Variants in ZNF282 observed in about 807,000 individuals in gnomAD.
The protein encoded by ZNF282 is zinc finger protein 282, also known as HTLV-I U5 repressive element-binding protein 1.
In ZNF282, 30 loss-of-function variants were observed where a neutral mutation model predicts 61.9. The ratio of observed to expected loss-of-function variants is 0.48; its 90% CI spans 0.36 to 0.66. ZNF282 has a LOEUF of 0.66. Among genes scored for constraint, ZNF282 ranks in the 30% least tolerant of loss-of-function variants. The pLI is 0.00. For missense variants in ZNF282, 788 were observed against 941.4 expected (o/e 0.84, Z 2.13); for synonymous variants, 396 against 405.0 (o/e 0.98, Z 0.27).
Position 149,198,319 on chromosome 7 carries a change from C to T in ZNF282, c.166-14C>T. ...GTCTCATCCTGGGTTGTCGCTTTCT[C>T]CCTCTGCATACAGGCTCAAGAATGG... is the stretch of plus-strand genomic sequence containing the variant. On this transcript the variant is annotated splice_polypyrimidine_tract_variant and intron_variant, in intron 1 of 7. Coordinates refer to ENST00000610704, the MANE Select transcript of ZNF282 (RefSeq NM_003575.4). The surrounding 1 kb of genome is among the most constrained non-coding windows in gnomAD (Gnocchi z 4.3). 1.3e-6 allele frequency: 2 copies of T among 1,586,940 alleles called. No homozygotes were observed. The highest frequency in any genetic ancestry group is 1.7e-6 in the Non-Finnish European group (2 of 1,164,388).
intron 7 of ZNF282, among the ~76,000 whole-genome samples, chr7:149,218,958 C>T (rs879561977): frequency 2.0e-5 from 3 of 152,156 alleles, no homozygotes; most frequent in Non-Finnish European, 4.4e-5. Flanking sequence ...GTCACCCTCC[C>T]AGCATGTCAA....
Position 149,195,562 on chromosome 7 carries a change from G to C in ZNF282, c.-28G>C. The C allele has an allele frequency of 6.2e-7, 1 of 1,605,310 alleles. No individual in the cohort carries two copies. Among genetic ancestry groups the C allele is most frequent in the Non-Finnish European group, 8.5e-7 (1 of 1,176,710 alleles). ...GAAAACGTTCTTCTTCTCCCTGGCC[G>C]ACCCGAGCGGGGAACAGCACTCCCA... is the stretch of plus-strand genomic sequence containing the variant. On this transcript the variant is annotated 5_prime_UTR_variant, in exon 1 of 8. Transcript: ENST00000610704.
At position 149,195,735 on chromosome 7, in the gene ZNF282, A is replaced by G. The variant is rs776107053; in HGVS notation, c.146A>G (p.Glu49Gly). The change falls in exon 1 of 8, where the codon GAG becomes GGG. Residue 49 changes from glutamate (E) to glycine (G), a missense_variant. Glu to Gly is a moderately conservative substitution (Grantham distance 98, BLOSUM62 -2). Transcript: ENST00000610704. ...CCGGCGCTGCGCGGGGAAATGGCCG[A>G]GGGAATGCCGCCCATGCAGGTGGGA... ...QEPALRGEMA[E>G]GMPPMQAQEW... 10 of 1,532,970 alleles carry G rather than the reference A, an allele frequency of 6.5e-6. No individual in the cohort carries two copies. The highest frequency in any genetic ancestry group is 8.8e-6 in the Non-Finnish European group (10 of 1,140,696). 95.0% of individuals were successfully genotyped at this position (1,532,970 alleles called of 1,614,324 possible).
At chr7:149,222,820 G>C (rs940500056) in intron 7 of ZNF282, among the ~76,000 whole-genome samples, 6 of 150,742 alleles carry the variant, frequency 4.0e-5, no homozygotes, top group Non-Finnish European at 7.4e-5. Flanking sequence ...GCTAATTTTC[G>C]TATTTTTAGT....
Position 149,207,201 on chromosome 7 carries a change from C to CAGGGTTCTTCATAAG in ZNF282, c.713-148_713-147insGGTTCTTCATAAGAG, listed in dbSNP as rs1796005009. 5.0e-6 allele frequency: 5 copies of CAGGGTTCTTCATAAG among 1,000,678 alleles called. No homozygotes were observed. The East Asian group carries it at 1.3e-4, about 27-fold the overall frequency. The allele number at this position is 1,000,678 out of a possible 1,614,324, so 62.0% of individuals were successfully genotyped here. ...ATTTGGGCATCTATCGACTCGTTTTCAGATTACCCGCCTAACTCGCATAAC... is the reference window on the plus strand; with the variant it reads ...ATTTGGGCATCTATCGACTCGTTTTCAGGGTTCTTCATAAGAGATTACCCGCCTAACTCGCATAAC... On this transcript the variant is annotated intron_variant, in intron 3 of 7. Coordinates refer to ENST00000610704, the MANE Select transcript of ZNF282 (RefSeq NM_003575.4).
chr7:149,206,869 T>C, intron 3 of ZNF282, 47 bp downstream of exon 3: 1 of 1,608,202 alleles, frequency 6.2e-7, no homozygotes, highest in Non-Finnish European at 8.5e-7. Flanking sequence ...CTGCAGAGGG[T>C]TGTGAAATGC....
intron 4 of ZNF282, 112 bp downstream of exon 4, chr7:149,207,582 T>A (rs1334062222): frequency 6.8e-7 from 1 of 1,461,882 alleles, no homozygotes; most frequent in African/African-American, 1.4e-5. Context: ...GGGGCGAGGG[T>A]CTTGGGTGGC....
chr7:149,216,553 G>T (rs1202389), intron 7 of ZNF282, among the ~76,000 whole-genome samples: 10,848 of 152,280 alleles, frequency 0.071, 405 homozygotes, highest in Middle Eastern at 0.14. Context: ...AAGTGAGCCT[G>T]CTTCCTATTT....
At chr7:149,223,179 G>A (rs1796285160) in intron 7 of ZNF282, among the ~76,000 whole-genome samples, 1 of 148,978 alleles carries the variant, frequency 6.7e-6, no homozygotes, top group African/African-American at 2.5e-5. Context: ...TTTCCATGTT[G>A]GTCAGGCTGG....
chr7:149,223,910 C>G lies in ZNF282; in HGVS notation c.1279C>G (p.Pro427Ala), dbSNP rs1035605862. Residue 427 changes from proline (P) to alanine (A), a missense_variant, in exon 8 of 8, where the codon CCC becomes GCC. Pro to Ala is a conservative substitution (Grantham distance 27). Coordinates refer to ENST00000610704, the MANE Select transcript of ZNF282 (RefSeq NM_003575.4). ...PQPQLQSQPQ[P>A]QSLPPIAVAE... ...GCCGCAGCTGCAGTCGCAGCCCCAG[C>G]CCCAGAGCCTGCCCCCCATCGCGGT... 5.8e-6 allele frequency: 8 copies of G among 1,373,376 alleles called. 1 individual carries two copies. The highest frequency in any genetic ancestry group is 1.5e-5 in the African/African-American group (1 of 65,922). 85.1% of individuals were successfully genotyped at this position (1,373,376 alleles called of 1,614,324 possible).
At chr7:149,217,455 T>G (rs1796174844) in intron 7 of ZNF282, among the ~76,000 whole-genome samples, 2 of 152,040 alleles carry the variant, frequency 1.3e-5, no homozygotes, top group Admixed American at 1.3e-4. Context: ...CTCCAGCTAC[T>G]TGGGAGGCTA....
intron 2 of ZNF282, among the ~76,000 whole-genome samples, chr7:149,205,833 G>T (rs1262672075): frequency 6.6e-6 from 1 of 152,202 alleles, no homozygotes; most frequent in Non-Finnish European, 1.5e-5. Context: ...CACAGGATGG[G>T]GGAGGATTGA....
chr7:149,224,794 A>C lies in ZNF282; in HGVS notation c.*147A>C. The C allele has an allele frequency of 7.5e-7, 1 of 1,332,080 alleles. No individual in the cohort carries two copies. Among genetic ancestry groups the C allele is most frequent in the South Asian group, 1.5e-5 (1 of 65,158 alleles). 82.5% of individuals were successfully genotyped at this position (1,332,080 alleles called of 1,614,324 possible). A position where few individuals can be genotyped will look rare whatever the true frequency, so the allele number is the denominator to read the frequency against. ...GGGGGTCCCCCAGGGTGGGGCAGGG[A>C]TCCCCCAGATCTGTCTGGTCTGAAT... On this transcript the variant is annotated 3_prime_UTR_variant, in exon 8 of 8. Coordinates refer to ENST00000610704, the MANE Select transcript of ZNF282 (RefSeq NM_003575.4).
chr7:149,207,796 G>A (rs12704072), intron 4 of ZNF282, among the ~76,000 whole-genome samples: 80,050 of 152,130 alleles, frequency 0.53, 24,466 homozygotes, highest in East Asian at 0.93. Context: ...GAGGCTGACA[G>A]AGGAGGGAAA....
At chr7:149,196,543 T>C (rs1325911282) in intron 1 of ZNF282, among the ~76,000 whole-genome samples, 4 of 152,164 alleles carry the variant, frequency 2.6e-5, no homozygotes, top group Admixed American at 6.5e-5. Context: ...GAAGACTCTC[T>C]GGGCCCACCC....
At chr7:149,196,259 C>A (rs1795814726) in intron 1 of ZNF282, among the ~76,000 whole-genome samples, 1 of 152,210 alleles carries the variant, frequency 6.6e-6, no homozygotes, top group African/African-American at 2.4e-5. Context: ...TCCCCCTGCA[C>A]CGGGTGTGAT....
At position 149,198,200 on chromosome 7, in the gene ZNF282, A is replaced by G; in HGVS notation, c.166-133A>G. The stretch of plus-strand genomic sequence containing the variant: ...TAGCTGTTGCTGGGGGTGTTAGTGT[A>G]TCCTGAGTTACGGGGGCCTGGCAGA... On this transcript the variant is annotated intron_variant, in intron 1 of 7. Coordinates refer to ENST00000610704, the MANE Select transcript of ZNF282 (RefSeq NM_003575.4). The surrounding 1 kb of genome is among the most constrained non-coding windows in gnomAD (Gnocchi z 4.3). The G allele has an allele frequency of 1.9e-6, 2 of 1,043,428 alleles. No individual in the cohort carries two copies. The highest frequency in any genetic ancestry group is 2.7e-6 in the Non-Finnish European group (2 of 731,676). The allele number at this position is 1,043,428 out of a possible 1,614,324, so 64.6% of individuals were successfully genotyped here.
intron 7 of ZNF282, among the ~76,000 whole-genome samples, chr7:149,220,422 A>G (rs1796226257): frequency 6.6e-6 from 1 of 152,146 alleles, no homozygotes; most frequent in African/African-American, 2.4e-5. Context: ...CAAAAGAAAA[A>G]AAAAGAATAA....
intron 7 of ZNF282, among the ~76,000 whole-genome samples, chr7:149,219,361 C>A (rs957303543): frequency 6.6e-6 from 1 of 152,120 alleles, no homozygotes; most frequent in Non-Finnish European, 1.5e-5. Context: ...ACAGTGTAAA[C>A]AAAGAATTAA....
Sources: allele counts gnomAD v4.1 joint callset (sites outside exome capture counted in the v4.1 genomes callset), GRCh38; gene constraint gnomAD v4.1.1; non-coding constraint Gnocchi (gnomAD v3.1); transcripts MANE v1.5; gene names NCBI Gene and HGNC (gene_info 2026-07-23, HGNC 2026-07-21).